Variants in NKAIN2 observed in about 807,000 individuals in gnomAD.
The protein encoded by NKAIN2 is sodium/potassium-transporting ATPase subunit beta-1-interacting protein 2.
Under a neutral mutation model 32.6 loss-of-function variants are expected in NKAIN2, and 14 were observed. That is an observed-to-expected ratio of 0.43 (90% CI 0.28 to 0.67). NKAIN2 has a LOEUF of 0.67. Among genes scored for constraint, NKAIN2 ranks in the 30% least tolerant of loss-of-function variants. The probability of loss-of-function intolerance (pLI) is 0.17; values close to 1 mark genes in which losing one functional copy is unlikely to be tolerated. For missense variants in NKAIN2, 198 were observed against 258.3 expected (o/e 0.77, Z 1.60); for synonymous variants, 80 against 87.2 (o/e 0.92, Z 0.46).
chr6:123,816,311 A>G (rs1470447789), intron 1 of NKAIN2, among the ~76,000 whole-genome samples: 1 of 152,102 alleles, frequency 6.6e-6, no homozygotes, highest in East Asian at 1.9e-4. Context: ...ATATAGGTCT[A>G]TAGGTCTCTG....
At chr6:124,719,267 G>C (rs1300862811) in intron 4 of NKAIN2, among the ~76,000 whole-genome samples, 1 of 152,030 alleles carries the variant, frequency 6.6e-6, no homozygotes, top group East Asian at 1.9e-4. Context: ...TGCTGACACT[G>C]GTTCAAACTT....
intron 1 of NKAIN2, among the ~76,000 whole-genome samples, chr6:124,144,504 G>T (rs538018711): frequency 1.3e-5 from 2 of 152,076 alleles, no homozygotes; most frequent in African/African-American, 4.8e-5. Context: ...CTAGTTTTTG[G>T]TAAGAAAGAC....
intron 3 of NKAIN2, among the ~76,000 whole-genome samples, chr6:124,436,544 G>A (rs1775452718): frequency 6.6e-6 from 1 of 152,216 alleles, no homozygotes; most frequent in South Asian, 2.1e-4. Context: ...AAACGTATTT[G>A]AATAGAACTT....
chr6:123,959,144 G>A (rs1225234095), intron 1 of NKAIN2, among the ~76,000 whole-genome samples: 1 of 152,156 alleles, frequency 6.6e-6, no homozygotes, highest in Non-Finnish European at 1.5e-5. Context: ...AATGAGTCAG[G>A]TTTTGCCAGG....
At chr6:124,146,375 A>G (rs533425540) in intron 1 of NKAIN2, among the ~76,000 whole-genome samples, 2 of 152,316 alleles carry the variant, frequency 1.3e-5, no homozygotes, top group Admixed American at 6.5e-5. Context: ...TTTGTACTCT[A>G]CAGATTGTCA....
chr6:124,448,893 A>C (rs1328210570), intron 3 of NKAIN2, among the ~76,000 whole-genome samples: 1 of 152,134 alleles, frequency 6.6e-6, no homozygotes, highest in African/African-American at 2.4e-5. Context: ...TCATAAAGAT[A>C]ATTGATAGCT....
At chr6:124,518,098 A>T (rs748921127) in intron 3 of NKAIN2, among the ~76,000 whole-genome samples, 1 of 152,096 alleles carries the variant, frequency 6.6e-6, no homozygotes, top group Non-Finnish European at 1.5e-5. Flanking sequence ...TTATTGTACC[A>T]TGAAAGCTAA....
chr6:124,188,250 G>A (rs553293526), intron 1 of NKAIN2, among the ~76,000 whole-genome samples: 1 of 152,264 alleles, frequency 6.6e-6, no homozygotes, highest in South Asian at 2.1e-4. Flanking sequence ...GAGATTGGTT[G>A]CAAAGAATTG....
intron 1 of NKAIN2, among the ~76,000 whole-genome samples, chr6:124,165,646 C>T (rs1265207327): frequency 6.7e-6 from 1 of 148,434 alleles, no homozygotes; most frequent in Non-Finnish European, 1.5e-5. Flanking sequence ...AGGTATATCT[C>T]CTAATGCTAT....
At chr6:124,152,825 A>G (rs531171555) in intron 1 of NKAIN2, among the ~76,000 whole-genome samples, 1 of 152,102 alleles carries the variant, frequency 6.6e-6, no homozygotes, top group East Asian at 1.9e-4. Flanking sequence ...GTGTTTGGCC[A>G]TTCAGAAATG....
chr6:124,124,789 A>G (rs1384283830), intron 1 of NKAIN2, among the ~76,000 whole-genome samples: 1 of 152,168 alleles, frequency 6.6e-6, no homozygotes, highest in African/African-American at 2.4e-5. Context: ...CTTTGGAAGT[A>G]TTACAGAGGT....
chr6:124,268,157 T>A (rs1523984), intron 1 of NKAIN2, among the ~76,000 whole-genome samples: 48,078 of 152,062 alleles, frequency 0.32, 8,912 homozygotes, highest in African/African-American at 0.5. Flanking sequence ...CATACAATTC[T>A]AGTGATGAGA....
chr6:123,831,615 T>C (rs1774380814), intron 1 of NKAIN2, among the ~76,000 whole-genome samples: 2 of 151,756 alleles, frequency 1.3e-5, no homozygotes, highest in Non-Finnish European at 2.9e-5. Context: ...TAAATATGCA[T>C]GTTCTTCCAC....
intron 1 of NKAIN2, among the ~76,000 whole-genome samples, chr6:123,812,995 A>T (rs1384365900): frequency 6.6e-6 from 1 of 152,248 alleles, no homozygotes. Flanking sequence ...AAATGATGGA[A>T]GGGTCTATGT....
intron 4 of NKAIN2, among the ~76,000 whole-genome samples, chr6:124,770,023 C>T (rs571270658): frequency 6.6e-6 from 1 of 152,186 alleles, no homozygotes; most frequent in African/African-American, 2.4e-5. Context: ...GGTAGTGGCC[C>T]TCTCTAGAGA....
At position 123,927,653 on chromosome 6, in the gene NKAIN2, A is replaced by G. The variant is rs141610813; in HGVS notation, c.54+123399A>G. 3.6e-3 allele frequency among the ~76,000 whole-genome samples: 547 copies of G among 152,338 alleles called. 1 individual carries two copies. The highest frequency in any genetic ancestry group is 0.013 in the African/African-American group (522 of 41,572). ...TATTTCTCTAGTGACCGTCCCAAAC[A>G]GTCCTATACAGGGGGATAGAGCAAT... On this transcript the variant is annotated intron_variant, in intron 1 of 6. Coordinates refer to ENST00000368417, the MANE Select transcript of NKAIN2 (RefSeq NM_001040214.3).
intron 1 of NKAIN2, among the ~76,000 whole-genome samples, chr6:124,157,696 C>G (rs1325209913): frequency 6.6e-6 from 1 of 152,118 alleles, no homozygotes; most frequent in Non-Finnish European, 1.5e-5. Flanking sequence ...AACACTCAGC[C>G]TTTTGAGATT....
chr6:124,461,599 A>G (rs1562199442), intron 3 of NKAIN2, among the ~76,000 whole-genome samples: 1 of 151,810 alleles, frequency 6.6e-6, no homozygotes, highest in Non-Finnish European at 1.5e-5. Context: ...CAAATTATAT[A>G]TACATATTAA....
At chr6:124,448,220 A>G (rs1018500361) in intron 3 of NKAIN2, among the ~76,000 whole-genome samples, 2 of 152,078 alleles carry the variant, frequency 1.3e-5, no homozygotes, top group African/African-American at 2.4e-5. Context: ...TAATTCTATG[A>G]TTACTATTGA....
Sources: allele counts gnomAD v4.1 joint callset (sites outside exome capture counted in the v4.1 genomes callset), GRCh38; gene constraint gnomAD v4.1.1; transcripts MANE v1.5; gene names NCBI Gene and HGNC (gene_info 2026-07-23, HGNC 2026-07-21).